Variants in CRYGN observed in about 807,000 individuals in gnomAD.
CRYGN encodes crystallin gamma N.
CRYGN carries 17 observed loss-of-function variants against 19.2 expected under a neutral mutation model. The ratio of observed to expected loss-of-function variants is 0.89; its 90% CI spans 0.61 to 1.33. CRYGN has a LOEUF of 1.33. CRYGN is among the 40% of genes most tolerant of loss of function. CRYGN has a pLI of 0.00. For missense variants in CRYGN, 239 were observed against 239.6 expected (o/e 1.00, Z 0.02); for synonymous variants, 84 against 85.8 (o/e 0.98, Z 0.12).
chr7:151,432,180 C>G, intron 3 of CRYGN: 1 of 1,231,890 alleles, frequency 8.1e-7, no homozygotes, highest in Non-Finnish European at 1.0e-6. Flanking sequence ...TGTGGAGCGA[C>G]TGCACTCGTG....
rs985639339 is a variant in CRYGN, at chr7:151,428,838, G to C, written c.*1210C>G. Reference sequence around the variant, plus strand: ...ATTACAAGCTGCCCACAAGCACTTTGGTGGGAATCTTGTTTTTCCTCTTTC... The same window carrying C: ...ATTACAAGCTGCCCACAAGCACTTTCGTGGGAATCTTGTTTTTCCTCTTTC... On this transcript the variant is annotated 3_prime_UTR_variant, in exon 4 of 4. Transcript: ENST00000337323. 10 of 152,218 alleles carry C rather than the reference G, an allele frequency of 6.6e-5. No individual in the cohort carries two copies. Among genetic ancestry groups the C allele is most frequent in the African/African-American group, 2.4e-4 (10 of 41,444 alleles). 9.4% of individuals were successfully genotyped at this position (152,218 alleles called of 1,614,324 possible). A position where few individuals can be genotyped will look rare whatever the true frequency, so the allele number is the denominator to read the frequency against.
rs1236726101 is a variant in CRYGN, at chr7:151,431,220, C to G, written c.417-1040G>C. Among the ~76,000 whole-genome samples, 1 of 152,184 alleles carries G rather than the reference C, an allele frequency of 6.6e-6. No individual in the cohort carries two copies. The highest frequency in any genetic ancestry group is 1.5e-5 in the Non-Finnish European group (1 of 68,016). On this transcript the variant is annotated intron_variant, in intron 3 of 3. Coordinates refer to ENST00000337323, the MANE Select transcript of CRYGN (RefSeq NM_144727.3). This position sits in a 1 kb window ranked among gnomAD's most constrained non-coding sequence, Gnocchi z 4.8. The stretch of plus-strand genomic sequence containing the variant: ...GGGACCAGAGTTCCCCTCGTGGGAC[C>G]TTTCCTCTCTCCCCAGTGAGTTGGA...
intron 1 of CRYGN, among the ~76,000 whole-genome samples, 160 bp downstream of exon 1, chr7:151,439,737 G>C (rs993254916): frequency 6.6e-6 from 1 of 152,204 alleles, no homozygotes; most frequent in Non-Finnish European, 1.5e-5. Flanking sequence ...CACCAGAGAG[G>C]CCCCAGGCCA....
chr7:151,436,125 T>C lies in CRYGN; in HGVS notation c.416+55A>G. 1.5e-6 allele frequency: 2 copies of C among 1,343,282 alleles called. No homozygotes were observed. The highest frequency in any genetic ancestry group is 1.9e-6 in the Non-Finnish European group (2 of 1,038,904). 83.2% of individuals were successfully genotyped at this position (1,343,282 alleles called of 1,614,324 possible). On this transcript the variant is annotated intron_variant, in intron 3 of 3. Coordinates refer to ENST00000337323, the MANE Select transcript of CRYGN (RefSeq NM_144727.3). This position sits in a 1 kb window ranked among gnomAD's most constrained non-coding sequence, Gnocchi z 5.1. ...TGTGTGGCGGGCAGCCTCCCACGCC[T>C]GGTGCTGAAGGGCCTAGCCGGGCCT... is the stretch of plus-strand genomic sequence containing the variant.
intron 2 of CRYGN, 61 bp downstream of exon 2, chr7:151,437,935 A>T: frequency 1.2e-6 from 2 of 1,603,300 alleles, no homozygotes; most frequent in Non-Finnish European, 1.7e-6. Context: ...ACTGTCTGCC[A>T]GGGCTGACCC....
intron 1 of CRYGN, 45 bp from the exon 2 acceptor site, chr7:151,438,289 C>G: frequency 6.4e-7 from 1 of 1,564,304 alleles, no homozygotes; most frequent in South Asian, 1.2e-5. Context: ...GGCTTCTCTC[C>G]GTCAGCGTTG....
Sources: gnomAD v4.1 joint callset for allele counts (sites outside exome capture counted in the v4.1 genomes callset) on GRCh38, gnomAD v4.1.1 for gene constraint, Gnocchi (gnomAD v3.1) non-coding constraint, MANE v1.5 for transcripts, NCBI Gene and HGNC (gene_info 2026-07-23, HGNC 2026-07-21) for gene names.